The following CELSR1 variants were observed in gnomAD, a reference collection of about 807,000 sequenced individuals.
The protein encoded by CELSR1 is adhesion G protein-coupled receptor C1.
In CELSR1, 110 loss-of-function variants were observed where a neutral mutation model predicts 249.1. The ratio of observed to expected loss-of-function variants is 0.44; its 90% CI spans 0.38 to 0.52. The LOEUF (loss-of-function observed/expected upper bound fraction) is 0.52. Ranked by LOEUF, CELSR1 falls within the 20% of genes least tolerant of loss-of-function variation. The pLI is 0.00. For synonymous variants in CELSR1, 2,113 were observed against 1,900.0 expected (o/e 1.11, Z -2.92); for missense variants, 4,109 against 4,296.4 (o/e 0.96, Z 1.22).
chr22:46,407,640 CA>C lies in CELSR1; in HGVS notation c.5226+1355del. Reference sequence around the variant, plus strand: ...AGAGCAAAACTTTATCTCAAAAAAACAAAACAAAACAAAACAAAAAAAACCT... The same window carrying C: ...AGAGCAAAACTTTATCTCAAAAAAACAAACAAAACAAAACAAAAAAAACCT... On this transcript the variant is annotated intron_variant, in intron 9 of 34. Coordinates refer to ENST00000674500, the MANE Select transcript of CELSR1 (RefSeq NM_001378328.1). The surrounding 1 kb of genome is among the most constrained non-coding windows in gnomAD (Gnocchi z 4.8). Among the ~76,000 whole-genome samples the C allele has an allele frequency of 6.6e-6, 1 of 151,810 alleles. No homozygotes were observed. The highest frequency in any genetic ancestry group is 1.9e-4 in the East Asian group (1 of 5,180).
intron 2 of CELSR1, among the ~76,000 whole-genome samples, chr22:46,456,436 G>C (rs1471305277): frequency 1.3e-5 from 2 of 152,236 alleles, no homozygotes; most frequent in South Asian, 2.1e-4. Flanking sequence ...AAGGCGGGCA[G>C]ATCACGAGGT....
intron 2 of CELSR1, among the ~76,000 whole-genome samples, chr22:46,456,261 C>T (rs538589990): frequency 6.6e-6 from 1 of 152,352 alleles, no homozygotes; most frequent in African/African-American, 2.4e-5. Context: ...TGGCACAGCT[C>T]GCCATGAATG....
In CELSR1 at chr22:46,512,568, T is replaced by C. The variant is rs968217075; in HGVS notation, c.3544+21059A>G. On this transcript the variant is annotated intron_variant, in intron 1 of 34. Coordinates refer to ENST00000674500, the MANE Select transcript of CELSR1 (RefSeq NM_001378328.1). This position sits in a 1 kb window ranked among gnomAD's most constrained non-coding sequence, Gnocchi z 5.2. Reference sequence around the variant, plus strand: ...GCCTGGGTGAAAGAGTGAGACTCCATCTCAACAACAACAAAAAATCAAGGC... The same window carrying C: ...GCCTGGGTGAAAGAGTGAGACTCCACCTCAACAACAACAAAAAATCAAGGC... 2.6e-5 allele frequency among the ~76,000 whole-genome samples: 4 copies of C among 152,030 alleles called. No homozygotes were observed. The highest frequency in any genetic ancestry group is 5.9e-5 in the Non-Finnish European group (4 of 68,006).
Position 46,452,334 on chromosome 22 carries a change from C to T in CELSR1, c.4183+11373G>A, listed in dbSNP as rs568802014. Among the ~76,000 whole-genome samples the T allele has an allele frequency of 5.3e-5, 8 of 152,304 alleles. No individual in the cohort carries two copies. The East Asian group carries it at 1.5e-3, about 29-fold the overall frequency. On this transcript the variant is annotated intron_variant, in intron 2 of 34. Coordinates refer to ENST00000674500, the MANE Select transcript of CELSR1 (RefSeq NM_001378328.1). ...CTTGTTTGCCAGGGCTCTTATGGCA[C>T]CGGGAAGACAGCGGCATGAGGACCC...
Position 46,439,358 on chromosome 22 carries a change from T to A in CELSR1, c.4237A>T (p.Lys1413Ter). 6.2e-7 allele frequency: 1 copy of A among 1,613,980 alleles called. No individual in the cohort carries two copies. The highest frequency in any genetic ancestry group is 8.5e-7 in the Non-Finnish European group (1 of 1,179,964). ...AGGTTCACGCAGGTGCCCCCGTTCT[T>A]GCACACCCCGTTGGCACAGCGGCCT... is the stretch of plus-strand genomic sequence containing the variant. ...RSGRCANGVC[K>*]NGGTCVNLLI... The change falls in exon 3 of 35, where the codon AAG (lysine) becomes TAG (stop). Residue 1413 changes from lysine (K) to a stop codon, truncating the protein, a stop_gained. Coordinates refer to ENST00000674500, the MANE Select transcript of CELSR1 (RefSeq NM_001378328.1). LOFTEE classifies it high-confidence loss of function.
chr22:46,373,963 G>A (rs765155931), intron 24 of CELSR1, among the ~76,000 whole-genome samples: 1 of 152,180 alleles, frequency 6.6e-6, no homozygotes, highest in Non-Finnish European at 1.5e-5. Context: ...CACCCTAAGG[G>A]TGCCCCTGCT....
At chr22:46,384,262 T>G (rs2079008965) in intron 20 of CELSR1, among the ~76,000 whole-genome samples, 1 of 152,334 alleles carries the variant, frequency 6.6e-6, no homozygotes, top group African/African-American at 2.4e-5. Flanking sequence ...TATTGTTTCA[T>G]GCTTACGCTC....
intron 30 of CELSR1, 52 bp from the exon 31 acceptor site, chr22:46,365,741 G>A (rs1472857678): frequency 5.7e-6 from 8 of 1,408,574 alleles, no homozygotes; most frequent in South Asian, 3.8e-5. Flanking sequence ...GGAACAGGAG[G>A]TGCTGGAAAG....
chr22:46,530,664 A>G (rs780599550), intron 1 of CELSR1, among the ~76,000 whole-genome samples: 43 of 152,240 alleles, frequency 2.8e-4, no homozygotes, highest in Non-Finnish European at 5.1e-4. Context: ...CTGACTTCAA[A>G]AAATTTTCAA....
intron 5 of CELSR1, among the ~76,000 whole-genome samples, chr22:46,420,079 C>T (rs558252190): frequency 6.6e-6 from 1 of 151,216 alleles, no homozygotes; most frequent in Admixed American, 6.6e-5. Context: ...CTCATACTCA[C>T]ATGTGCACAC....
At chr22:46,525,892 C>G (rs778696523) in intron 1 of CELSR1, among the ~76,000 whole-genome samples, 3 of 152,270 alleles carry the variant, frequency 2.0e-5, no homozygotes. Flanking sequence ...GGTTCTGGCA[C>G]GCCCAGCAAC....
rs548797175 is a variant in CELSR1 at position 46,511,643 on chromosome 22, C to T, written c.3544+21984G>A. Among the ~76,000 whole-genome samples, 6 of 152,322 alleles carry T rather than the reference C, an allele frequency of 3.9e-5. No individual in the cohort carries two copies. In the South Asian group the frequency reaches 1.0e-3, roughly 26 times the overall value. ...AGGGCAGTCAGTGGGGCTGACAGCGCCAACACCCCCACAATGCCACACTCC... is the reference window on the plus strand; with the variant it reads ...AGGGCAGTCAGTGGGGCTGACAGCGTCAACACCCCCACAATGCCACACTCC... On this transcript the variant is annotated intron_variant, in intron 1 of 34. Transcript: ENST00000674500.
Position 46,535,488 on chromosome 22 carries a change from G to A in CELSR1, c.1683C>T (p.Asn561=), listed in dbSNP as rs758261920. Residue 561 remains asparagine, a synonymous_variant, in exon 1 of 35, where the codon AAC becomes AAT. Transcript: ENST00000674500. ...VSVQVLDVND[N]EPIFVSSPFQ... is the part of the protein sequence containing the mutation. ...AGGGGCTGCTCACAAAGATAGGCTC[G>A]TTGTCGTTGACATCCAGCACCTGCA... is the stretch of plus-strand genomic sequence containing the variant. 2.5e-6 allele frequency: 4 copies of A among 1,612,294 alleles called. No individual in the cohort carries two copies. The highest frequency in any genetic ancestry group is 2.2e-5 in the East Asian group (1 of 44,874).
intron 24 of CELSR1, 24 bp from the exon 25 acceptor site, chr22:46,373,081 C>A: frequency 6.4e-7 from 1 of 1,560,850 alleles, no homozygotes; most frequent in Non-Finnish European, 8.7e-7. Flanking sequence ...GGCCGCTCAG[C>A]AAGGGCCCCT....
Position 46,386,539 on chromosome 22 carries a change from G to C in CELSR1, c.6602C>G (p.Ala2201Gly), listed in dbSNP as rs931511697. The C allele has an allele frequency of 6.3e-7, 1 of 1,597,226 alleles. No individual in the cohort carries two copies. The highest frequency in any genetic ancestry group is 2.3e-5 in the East Asian group (1 of 44,166). Reference protein sequence around the residue: ...GSALLAPATRAAWEQIQRSEG... With the variant: ...GSALLAPATRGAWEQIQRSEG... ...GCTCCGCTGGATCTGCTCCCACGCC[G>C]CCCTGGTGGCTGGGGCCAGGAGGGC... The change falls in exon 19 of 35, where the codon GCG (alanine) becomes GGG (glycine). Residue 2201 changes from alanine (A) to glycine (G), a missense_variant. By Grantham distance (60) the Ala-to-Gly change is moderately conservative (BLOSUM62 0). Transcript: ENST00000674500.
intron 24 of CELSR1, 67 bp downstream of exon 24, chr22:46,376,994 G>A: frequency 1.3e-6 from 2 of 1,542,948 alleles, no homozygotes; most frequent in Admixed American, 3.6e-5. Context: ...GAGTGGCCAG[G>A]ACAGGACTAT....
At chr22:46,493,303 T>C (rs1315399654) in intron 1 of CELSR1, among the ~76,000 whole-genome samples, 1 of 151,988 alleles carries the variant, frequency 6.6e-6, no homozygotes, top group Non-Finnish European at 1.5e-5. Flanking sequence ...CCCAGAACTT[T>C]GGGAAGCCAA....
At chr22:46,420,560 C>T (rs150434960) in intron 5 of CELSR1, among the ~76,000 whole-genome samples, 2 of 152,336 alleles carry the variant, frequency 1.3e-5, no homozygotes, top group Admixed American at 6.5e-5. Context: ...TACTAGCACA[C>T]ACTTGTGTGC....
At chr22:46,371,125 C>T (rs893188734) in intron 25 of CELSR1, among the ~76,000 whole-genome samples, 3 of 152,188 alleles carry the variant, frequency 2.0e-5, no homozygotes, top group East Asian at 1.9e-4. Context: ...GCTGCCACCC[C>T]GCCCAACCTG....
Sources: gnomAD v4.1 joint callset for allele counts (sites outside exome capture counted in the v4.1 genomes callset) on GRCh38, gnomAD v4.1.1 for gene constraint, Gnocchi (gnomAD v3.1) non-coding constraint, MANE v1.5 for transcripts, NCBI Gene and HGNC (gene_info 2026-07-23, HGNC 2026-07-21) for gene names.